The following ZMAT4 variants were observed in gnomAD, a reference collection of about 807,000 sequenced individuals.
ZMAT4 encodes zinc finger matrin-type protein 4.
ZMAT4 carries 17 observed loss-of-function variants against 28.7 expected under a neutral mutation model. The ratio of observed to expected loss-of-function variants is 0.59; its 90% CI spans 0.41 to 0.89. The LOEUF (loss-of-function observed/expected upper bound fraction) is 0.89. Ranked by LOEUF, ZMAT4 falls within the 40% of genes least tolerant of loss-of-function variation. The pLI, the probability that ZMAT4 is intolerant of heterozygous loss-of-function variation, is 0.00. For missense variants in ZMAT4, 240 were observed against 283.8 expected (o/e 0.85, Z 1.11); for synonymous variants, 117 against 109.2 (o/e 1.07, Z -0.44).
At chr8:40,572,417 T>A (rs1455663179) in intron 6 of ZMAT4, among the ~76,000 whole-genome samples, 1 of 152,138 alleles carries the variant, frequency 6.6e-6, no homozygotes, top group African/African-American at 2.4e-5. Context: ...TTACTACTAA[T>A]TTTTGGTCAG....
intron 5 of ZMAT4, among the ~76,000 whole-genome samples, chr8:40,601,546 AGT>A (rs1805335304): frequency 1.4e-5 from 2 of 144,194 alleles, no homozygotes; most frequent in Admixed American, 7.1e-5. Context: ...GGGAAGGGGG[AGT>A]GAGAAAGAAA....
chr8:40,840,659 C>T lies in ZMAT4; in HGVS notation c.-4-14979G>A, dbSNP rs544050924. ...CAGAACTCCTCCAGGAGTCCAGAAA[C>T]GTATTGTCTGAGTAGCATTTATGCA... is the stretch of plus-strand genomic sequence containing the variant. On this transcript the variant is annotated intron_variant, in intron 1 of 6. Transcript: ENST00000297737. Among the ~76,000 whole-genome samples the T allele has an allele frequency of 3.9e-5, 6 of 152,260 alleles. No individual in the cohort carries two copies. The South Asian group carries it at 6.2e-4, about 16-fold the overall frequency.
At chr8:40,594,360 A>G (rs1027169329) in intron 5 of ZMAT4, among the ~76,000 whole-genome samples, 7 of 152,246 alleles carry the variant, frequency 4.6e-5, no homozygotes, top group African/African-American at 1.7e-4. Flanking sequence ...AACATTCTAT[A>G]AAGCCTAGAA....
At chr8:40,611,850 T>C (rs768910195) in intron 5 of ZMAT4, among the ~76,000 whole-genome samples, 2 of 152,176 alleles carry the variant, frequency 1.3e-5, no homozygotes, top group African/African-American at 4.8e-5. Context: ...GAAAAATAAA[T>C]TTTACTATCA....
intron 5 of ZMAT4, among the ~76,000 whole-genome samples, chr8:40,590,902 A>G (rs950486189): frequency 6.6e-6 from 1 of 152,122 alleles, no homozygotes; most frequent in Non-Finnish European, 1.5e-5. Flanking sequence ...AGTTCTACCT[A>G]TTCCTCTAGG....
At chr8:40,864,241 C>T in intron 1 of ZMAT4, among the ~76,000 whole-genome samples, 1 of 152,212 alleles carries the variant, frequency 6.6e-6, no homozygotes, top group East Asian at 1.9e-4. Flanking sequence ...CAGGAAATGA[C>T]CTCGCCTGGG....
intron 6 of ZMAT4, among the ~76,000 whole-genome samples, chr8:40,535,047 A>C (rs900713034): frequency 1.3e-5 from 2 of 152,156 alleles, no homozygotes; most frequent in African/African-American, 4.8e-5. Context: ...ATGGGGTCTC[A>C]GGAAGCAGTT....
intron 5 of ZMAT4, among the ~76,000 whole-genome samples, chr8:40,622,737 C>T (rs114529111): frequency 1.0e-3 from 153 of 152,246 alleles, no homozygotes; most frequent in African/African-American, 3.6e-3. Context: ...CACATGGTGA[C>T]AGCAAGATGC....
rs186693931 is a variant in ZMAT4, at chr8:40,839,484, A to G, written c.-4-13804T>C. ...AATCCCACCACCAGGTATCTACCCAAAGGAAAAGAAATCAATATACCAAAA... is the reference window on the plus strand; with the variant it reads ...AATCCCACCACCAGGTATCTACCCAGAGGAAAAGAAATCAATATACCAAAA... On this transcript the variant is annotated intron_variant, in intron 1 of 6. Transcript: ENST00000297737. 6.6e-5 allele frequency among the ~76,000 whole-genome samples: 10 copies of G among 152,366 alleles called. No homozygotes were observed. The East Asian group carries it at 9.6e-4, about 15-fold the overall frequency.
In ZMAT4 at chr8:40,776,902, G is replaced by T. The variant is rs563022331; in HGVS notation, c.103-9172C>A. Among the ~76,000 whole-genome samples the T allele has an allele frequency of 3.3e-5, 5 of 151,048 alleles. No individual in the cohort carries two copies. The East Asian group carries it at 5.9e-4, about 18-fold the overall frequency. On this transcript the variant is annotated intron_variant, in intron 2 of 6. Transcript: ENST00000297737. ...CCACTACTGGCAAGAGCAAGGACTA[G>T]TGTGATAGCCACCGATTTCTTTCTT...
intron 3 of ZMAT4, among the ~76,000 whole-genome samples, chr8:40,756,035 C>T (rs934641148): frequency 6.6e-6 from 1 of 152,028 alleles, no homozygotes; most frequent in Admixed American, 6.6e-5. Flanking sequence ...CCTGAAGAGA[C>T]CCAAATGAAG....
At chr8:40,891,464 C>A (rs988354696) in intron 1 of ZMAT4, among the ~76,000 whole-genome samples, 3 of 151,958 alleles carry the variant, frequency 2.0e-5, no homozygotes. Context: ...GCTGACGCAC[C>A]GCTCTTCCCG....
intron 2 of ZMAT4, among the ~76,000 whole-genome samples, chr8:40,769,207 C>T (rs761974526): frequency 6.6e-6 from 1 of 152,136 alleles, no homozygotes; most frequent in Non-Finnish European, 1.5e-5. Flanking sequence ...ACACTTATAG[C>T]ACCATTTCTA....
At chr8:40,885,766 G>A (rs1818430527) in intron 1 of ZMAT4, among the ~76,000 whole-genome samples, 1 of 152,300 alleles carries the variant, frequency 6.6e-6, no homozygotes, top group Middle Eastern at 3.4e-3. Flanking sequence ...GTCTTCTTGG[G>A]CTGGACTGCT....
intron 2 of ZMAT4, among the ~76,000 whole-genome samples, chr8:40,805,036 C>T (rs1453019899): frequency 3.3e-5 from 5 of 150,312 alleles, no homozygotes; most frequent in Admixed American, 1.3e-4. Context: ...AGAAAATTTT[C>T]GCAACCTACT....
rs559053805 is a variant in ZMAT4, at chr8:40,868,974, T to G, written c.-5+28709A>C. ...CAAACTGCAGTGCCCCTTCCTGATC[T>G]CACAGTCCTGCAGGGATGGGCTGCA... On this transcript the variant is annotated intron_variant, in intron 1 of 6. Transcript: ENST00000297737. Among the ~76,000 whole-genome samples, 5 of 152,320 alleles carry G rather than the reference T, an allele frequency of 3.3e-5. No homozygotes were observed. In the East Asian group the frequency reaches 9.7e-4, roughly 29 times the overall value.
At chr8:40,760,175 G>C (rs1408863222) in intron 3 of ZMAT4, among the ~76,000 whole-genome samples, 1 of 152,140 alleles carries the variant, frequency 6.6e-6, no homozygotes, top group Admixed American at 6.5e-5. Flanking sequence ...TTCCTGTTTA[G>C]TTGCTCACTC....
At chr8:40,614,524 GT>G (rs1237039426) in intron 5 of ZMAT4, among the ~76,000 whole-genome samples, 1 of 152,108 alleles carries the variant, frequency 6.6e-6, no homozygotes, top group African/African-American at 2.4e-5. Flanking sequence ...TGACAGTGGG[GT>G]GTTAAAGTCT....
intron 5 of ZMAT4, among the ~76,000 whole-genome samples, chr8:40,618,353 A>G (rs1477223144): frequency 1.3e-5 from 2 of 152,188 alleles, no homozygotes; most frequent in Non-Finnish European, 1.5e-5. Flanking sequence ...GCTCTACAGA[A>G]CTAAATGCTC....
Sources: allele counts gnomAD v4.1 joint callset (sites outside exome capture counted in the v4.1 genomes callset), GRCh38; gene constraint gnomAD v4.1.1; transcripts MANE v1.5; gene names NCBI Gene and HGNC (gene_info 2026-07-23, HGNC 2026-07-21).